Variants in CLHC1 observed in about 807,000 individuals in gnomAD.
The protein encoded by CLHC1 is clathrin heavy chain linker domain containing 1.
CLHC1 carries 72 observed loss-of-function variants against 69.5 expected under a neutral mutation model. The ratio of observed to expected loss-of-function variants is 1.04; its 90% confidence interval spans 0.86 to 1.26. The LOEUF is 1.26. Ranked by LOEUF, CLHC1 falls within the 50% of genes most tolerant of loss-of-function variation. CLHC1 has a pLI of 0.00. For missense variants in CLHC1, 790 were observed against 679.3 expected (o/e 1.16, Z -1.81); for synonymous variants, 223 against 224.3 (o/e 0.99, Z 0.05).
At chr2:55,216,286 C>T (rs550418963) in intron 4 of CLHC1, among the ~76,000 whole-genome samples, 5 of 148,416 alleles carry the variant, frequency 3.4e-5, no homozygotes, top group Admixed American at 6.7e-5. Flanking sequence ...AGCGAAACTC[C>T]GTCTCAAAAA....
chr2:55,229,802 G>T (rs751437751), intron 1 of CLHC1, among the ~76,000 whole-genome samples: 3 of 152,212 alleles, frequency 2.0e-5, no homozygotes, highest in Non-Finnish European at 2.9e-5. Context: ...GGCCAGGCAT[G>T]GTGGCTCATG....
At chr2:55,186,587 C>G (rs1301444149) in intron 9 of CLHC1, among the ~76,000 whole-genome samples, 1 of 150,742 alleles carries the variant, frequency 6.6e-6, no homozygotes, top group Non-Finnish European at 1.5e-5. Flanking sequence ...GATGTCATCT[C>G]TACAACAACA....
rs545680166 is a variant in CLHC1 at position 55,193,545 on chromosome 2, C to T, written c.1007-11801G>A. Among the ~76,000 whole-genome samples the T allele has an allele frequency of 2.0e-5, 3 of 152,218 alleles. No homozygotes were observed. In the South Asian group the frequency reaches 6.2e-4, roughly 32 times the overall value. ...AAGAGACAAGTGAAAAGATGCCTAA[C>T]ATTACTAGTCATTATGGACATGTAA... On this transcript the variant is annotated intron_variant, in intron 9 of 12. Transcript: ENST00000401408.
chr2:55,200,663 C>G (rs563769858), intron 9 of CLHC1, among the ~76,000 whole-genome samples: 24 of 152,280 alleles, frequency 1.6e-4, no homozygotes, highest in African/African-American at 5.8e-4. Flanking sequence ...ACTTGATCTG[C>G]ACTATAGACA....
At chr2:55,204,232 C>A (rs1166310562) in intron 9 of CLHC1, among the ~76,000 whole-genome samples, 1 of 151,980 alleles carries the variant, frequency 6.6e-6, no homozygotes, top group African/African-American at 2.4e-5. Flanking sequence ...TGTGGTGAGC[C>A]GAGATCACGC....
chr2:55,206,417 A>T (rs1325548559), intron 8 of CLHC1, 41 bp from the exon 9 acceptor site: 1 of 1,092,128 alleles, frequency 9.2e-7, no homozygotes, highest in South Asian at 1.3e-5. Context: ...AATGACACAA[A>T]GAAAAAGAGA....
intron 11 of CLHC1, 102 bp downstream of exon 11, chr2:55,180,408 G>A: frequency 1.3e-6 from 1 of 773,718 alleles, no homozygotes; most frequent in Non-Finnish European, 2.1e-6. Flanking sequence ...ATATAAAATT[G>A]ATTTTATAAC....
chr2:55,184,770 T>C (rs544984407), intron 9 of CLHC1, among the ~76,000 whole-genome samples: 2 of 151,922 alleles, frequency 1.3e-5, no homozygotes, highest in East Asian at 3.9e-4. Context: ...CCAGGTGTGG[T>C]GGCACCTGCC....
At chr2:55,232,500 A>AGTTT (rs1487456823), upstream of CLHC1, 1 of 448,472 alleles carries the variant, frequency 2.2e-6, no homozygotes, top group East Asian at 4.4e-5. Flanking sequence ...ACAGTTTCGA[A>AGTTT]AGCATTCCGA....
intron 9 of CLHC1, among the ~76,000 whole-genome samples, chr2:55,202,556 CAAAAAAAAAAAAAAAGT>C (rs1202369977): frequency 2.7e-5 from 2 of 74,652 alleles, no homozygotes; most frequent in Non-Finnish European, 5.5e-5. Context: ...GACTCTGTCT[CAAAAAAAAAAAAAAAGT>C]AAAAGAAAAA....
chr2:55,190,414 T>A (rs1046891897), intron 9 of CLHC1, among the ~76,000 whole-genome samples: 1 of 152,068 alleles, frequency 6.6e-6, no homozygotes, highest in Non-Finnish European at 1.5e-5. Flanking sequence ...ATATTACCCA[T>A]ACTGAGAAAA....
At chr2:55,186,332 A>G (rs1440029204) in intron 9 of CLHC1, among the ~76,000 whole-genome samples, 1 of 152,238 alleles carries the variant, frequency 6.6e-6, no homozygotes, top group Non-Finnish European at 1.5e-5. Context: ...AGCTTACAAT[A>G]TTATAAATAA....
intron 9 of CLHC1, among the ~76,000 whole-genome samples, chr2:55,196,470 A>G (rs932917564): frequency 2.6e-5 from 4 of 152,130 alleles, no homozygotes; most frequent in African/African-American, 9.7e-5. Context: ...AGTAAAGAGG[A>G]CTTTGTCTTG....
chr2:55,203,279 T>C (rs971222152), intron 9 of CLHC1, among the ~76,000 whole-genome samples: 2 of 152,134 alleles, frequency 1.3e-5, no homozygotes, highest in Non-Finnish European at 2.9e-5. Flanking sequence ...CAAAATACCA[T>C]GAAATTCTTC....
chr2:55,218,156 A>G, intron 3 of CLHC1, 158 bp from the exon 4 acceptor site: 1 of 442,118 alleles, frequency 2.3e-6, no homozygotes, highest in Non-Finnish European at 4.0e-6. Flanking sequence ...ATTGGACACT[A>G]AAGGCAATAT....
intron 9 of CLHC1, among the ~76,000 whole-genome samples, chr2:55,200,836 T>C (rs999820413): frequency 6.6e-6 from 1 of 152,188 alleles, no homozygotes; most frequent in Non-Finnish European, 1.5e-5. Context: ...GCATCTTCTC[T>C]GATCACAGTG....
chr2:55,185,769 G>T (rs2103730372), intron 9 of CLHC1, among the ~76,000 whole-genome samples: 1 of 152,036 alleles, frequency 6.6e-6, no homozygotes, highest in Non-Finnish European at 1.5e-5. Context: ...TTAGTACCTA[G>T]GTCATAACAG....
intron 9 of CLHC1, among the ~76,000 whole-genome samples, chr2:55,204,730 C>A (rs1428903308): frequency 7.2e-5 from 11 of 152,078 alleles, no homozygotes; most frequent in Admixed American, 7.2e-4. Context: ...TACGTATAGG[C>A]AATGGAGTAC....
chr2:55,220,068 T>C (rs1404594020), intron 3 of CLHC1, among the ~76,000 whole-genome samples: 2 of 152,208 alleles, frequency 1.3e-5, no homozygotes, highest in Non-Finnish European at 2.9e-5. Flanking sequence ...AAGTTCATTC[T>C]TCCAAGCTTT....
Sources: allele counts gnomAD v4.1 joint callset (sites outside exome capture counted in the v4.1 genomes callset), GRCh38; gene constraint gnomAD v4.1.1; transcripts MANE v1.5; gene names NCBI Gene and HGNC (gene_info 2026-07-23, HGNC 2026-07-21).